The following KCNQ1 variants were observed in gnomAD, a reference collection of about 807,000 sequenced individuals.
KCNQ1 encodes the protein potassium voltage-gated channel subfamily KQT member 1.
Under a neutral mutation model 72.4 loss-of-function variants are expected in KCNQ1, and 49 were observed. The observed-to-expected ratio is 0.68, with a 90% CI of 0.54 to 0.86. KCNQ1 has a LOEUF of 0.86. KCNQ1 is among the 40% of genes least tolerant of loss of function. KCNQ1 has a pLI of 0.00. For missense variants in KCNQ1, 790 were observed against 945.1 expected (o/e 0.84, Z 2.15); for synonymous variants, 450 against 412.6 (o/e 1.09, Z -1.10).
chr11:2,452,250 G>T (rs1409875237), intron 1 of KCNQ1, among the ~76,000 whole-genome samples: 3 of 152,192 alleles, frequency 2.0e-5, no homozygotes, highest in Admixed American at 2.0e-4. Flanking sequence ...CTTGCTCCAG[G>T]CAGAGATTTG....
chr11:2,774,127 G>A (rs112035315), intron 12 of KCNQ1, among the ~76,000 whole-genome samples: 3 of 151,142 alleles, frequency 2.0e-5, no homozygotes, highest in East Asian at 3.9e-4. Flanking sequence ...CCCCTTTTAC[G>A]GAAGAGAGAG....
At chr11:2,648,051 CAAA>C (rs34011245) in intron 10 of KCNQ1, 105 of 367,696 alleles carry the variant, frequency 2.9e-4, no homozygotes, top group Non-Finnish European at 3.7e-4. Context: ...CCATCTCTAC[CAAA>C]AAAAAAAAAA....
rs531029565 is a variant in KCNQ1, at chr11:2,483,039, C to T, written c.386+37555C>T. Among the ~76,000 whole-genome samples, 10 of 151,970 alleles carry T rather than the reference C, an allele frequency of 6.6e-5. No homozygotes were observed. Among genetic ancestry groups the T allele is most frequent in the Non-Finnish European group, 7.4e-5 (5 of 68,008 alleles). ...AGGAGTGCCTTTTGTGGAGGGGAGT[C>T]GGACACAGATGGGATTTCAGCAGAG... On this transcript the variant is annotated intron_variant, in intron 1 of 15. Transcript: ENST00000155840. The surrounding 1 kb of genome is among the most constrained non-coding windows in gnomAD (Gnocchi z 6.1).
chr11:2,519,740 G>A (rs1295722113), intron 1 of KCNQ1, among the ~76,000 whole-genome samples: 4 of 151,640 alleles, frequency 2.6e-5, no homozygotes, highest in Non-Finnish European at 5.9e-5. Context: ...CATAAGTAAT[G>A]TATTAAATAC....
chr11:2,795,791 G>A (rs1041401740), intron 15 of KCNQ1, among the ~76,000 whole-genome samples: 20 of 152,208 alleles, frequency 1.3e-4, no homozygotes, highest in Admixed American at 2.0e-4. Flanking sequence ...GGTCCATGAG[G>A]AACCCCACGG....
Position 2,627,299 on chromosome 11 carries a change from C to T in KCNQ1, c.1394-34662C>T. On this transcript the variant is annotated intron_variant, in intron 10 of 15. Coordinates refer to ENST00000155840, the MANE Select transcript of KCNQ1 (RefSeq NM_000218.3). The surrounding 1 kb of genome is among the most constrained non-coding windows in gnomAD (Gnocchi z 4.9). ...ATTAACATATACCTTACATAGTTGCCATGTGTGTGCGTGTGTGTGGTCAGA... is the reference window on the plus strand; with the variant it reads ...ATTAACATATACCTTACATAGTTGCTATGTGTGTGCGTGTGTGTGGTCAGA... 3 of 398,450 alleles carry T rather than the reference C, an allele frequency of 7.5e-6. No homozygotes were observed. The allele number at this position is 398,450 out of a possible 1,614,324, so 24.7% of individuals were successfully genotyped here.
In KCNQ1 at chr11:2,683,882, C is replaced by A; in HGVS notation, c.1514+21801C>A. 2.5e-6 allele frequency: 1 copy of A among 398,560 alleles called. No homozygotes were observed. Among genetic ancestry groups the A allele is most frequent in the Non-Finnish European group, 4.4e-6 (1 of 226,068 alleles). 24.7% of individuals were successfully genotyped at this position (398,560 alleles called of 1,614,324 possible). On this transcript the variant is annotated intron_variant, in intron 11 of 15. Transcript: ENST00000155840. This position sits in a 1 kb window ranked among gnomAD's most constrained non-coding sequence, Gnocchi z 4.7. ...TCACTGCTACATCTCTCTTCCAAAT[C>A]ATAAATGCAAAAGATGGCCAAAGGT...
intron 15 of KCNQ1, among the ~76,000 whole-genome samples, chr11:2,793,738 C>T (rs1258694062): frequency 1.3e-5 from 2 of 152,204 alleles, no homozygotes; most frequent in Non-Finnish European, 2.9e-5. Context: ...TTCTGAAGCA[C>T]TGTGGGCATT....
chr11:2,581,587 C>G (rs147987925), intron 6 of KCNQ1, among the ~76,000 whole-genome samples: 10 of 152,240 alleles, frequency 6.6e-5, no homozygotes, highest in African/African-American at 1.9e-4. Context: ...CGTGTGCCTG[C>G]GCTGTGCGTT....
At chr11:2,789,577 C>G (rs2134006430) in intron 15 of KCNQ1, among the ~76,000 whole-genome samples, 1 of 152,322 alleles carries the variant, frequency 6.6e-6, no homozygotes, top group Middle Eastern at 3.4e-3. Context: ...AACGTGATCG[C>G]ATCTCTGTGC....
chr11:2,490,469 T>C (rs757823941), intron 1 of KCNQ1, among the ~76,000 whole-genome samples: 3 of 152,158 alleles, frequency 2.0e-5, no homozygotes, highest in Non-Finnish European at 4.4e-5. Flanking sequence ...GGGCCTTGGG[T>C]GAAACCCAGT....
In KCNQ1 at chr11:2,547,748, C is replaced by T. The variant is rs1445535929; in HGVS notation, c.477+19730C>T. Among the ~76,000 whole-genome samples the T allele has an allele frequency of 6.6e-6, 1 of 152,134 alleles. No homozygotes were observed. The highest frequency in any genetic ancestry group is 2.4e-5 in the African/African-American group (1 of 41,430). Reference sequence around the variant, plus strand: ...ACCTTGGGTGGACTACTGACTACTTCGCGGGTAAGAAATGGTGAGTGGCAT... The same window carrying T: ...ACCTTGGGTGGACTACTGACTACTTTGCGGGTAAGAAATGGTGAGTGGCAT... On this transcript the variant is annotated intron_variant, in intron 2 of 15. Coordinates refer to ENST00000155840, the MANE Select transcript of KCNQ1 (RefSeq NM_000218.3). This position sits in a 1 kb window ranked among gnomAD's most constrained non-coding sequence, Gnocchi z 4.2.
Position 2,668,941 on chromosome 11 carries a change from T to A in KCNQ1, c.1514+6860T>A, listed in dbSNP as rs1236014150. 2.5e-6 allele frequency: 1 copy of A among 398,524 alleles called. No individual in the cohort carries two copies. The highest frequency in any genetic ancestry group is 2.1e-5 in the African/African-American group (1 of 48,612). 24.7% of individuals were successfully genotyped at this position (398,524 alleles called of 1,614,324 possible). On this transcript the variant is annotated intron_variant, in intron 11 of 15. Coordinates refer to ENST00000155840, the MANE Select transcript of KCNQ1 (RefSeq NM_000218.3). The surrounding 1 kb of genome is among the most constrained non-coding windows in gnomAD (Gnocchi z 4.3). ...TATTAGCTCACCTTTCCCATGTAGA[T>A]CTGCACTCCATCTGGGATTGATTTT...
intron 11 of KCNQ1, chr11:2,666,716 A>G: frequency 2.5e-6 from 1 of 398,718 alleles, no homozygotes; most frequent in Non-Finnish European, 4.4e-6. Flanking sequence ...GTCCACTGTG[A>G]CCTACTCCCA....
intron 11 of KCNQ1, chr11:2,696,722 C>T (rs1342998124): frequency 5.0e-6 from 2 of 398,478 alleles, no homozygotes; most frequent in African/African-American, 4.1e-5. Flanking sequence ...AAAGATCTCC[C>T]TCTATATCCT....
Position 2,603,438 on chromosome 11 carries a change from G to A in KCNQ1, c.1393+14584G>A, listed in dbSNP as rs892193735. ...GTGCAAAAAAGTGAAGTGTGCCTGT[G>A]TATCCCCAGAGCTGTGCAACTGCCA... On this transcript the variant is annotated intron_variant, in intron 10 of 15. Transcript: ENST00000155840. The surrounding 1 kb of genome is among the most constrained non-coding windows in gnomAD (Gnocchi z 4.1). Among the ~76,000 whole-genome samples the A allele has an allele frequency of 5.3e-5, 8 of 152,102 alleles. No individual in the cohort carries two copies. Among genetic ancestry groups the A allele is most frequent in the Admixed American group, 4.6e-4 (7 of 15,272 alleles).
rs1448309421 is a variant in KCNQ1 at position 2,494,255 on chromosome 11, A to G, written c.387-33673A>G. Among the ~76,000 whole-genome samples, 1 of 152,172 alleles carries G rather than the reference A, an allele frequency of 6.6e-6. No homozygotes were observed. The highest frequency in any genetic ancestry group is 1.9e-4 in the East Asian group (1 of 5,196). On this transcript the variant is annotated intron_variant, in intron 1 of 15. Transcript: ENST00000155840. The surrounding 1 kb of genome is among the most constrained non-coding windows in gnomAD (Gnocchi z 4.6). Reference sequence around the variant, plus strand: ...GCTTAAGGAGTTTTTGGGCTGAGACAATGGGGTTTTCTAAATATACAATCA... The same window carrying G: ...GCTTAAGGAGTTTTTGGGCTGAGACGATGGGGTTTTCTAAATATACAATCA...
At chr11:2,454,856 A>G (rs1025308091) in intron 1 of KCNQ1, among the ~76,000 whole-genome samples, 6 of 152,186 alleles carry the variant, frequency 3.9e-5, no homozygotes, top group Non-Finnish European at 7.3e-5. Context: ...AAGAATAGGA[A>G]CAAGACAAGG....
Position 2,691,848 on chromosome 11 carries a change from A to G in KCNQ1, c.1514+29767A>G. The stretch of plus-strand genomic sequence containing the variant: ...GACCTCTGCCAGGACCATGACCCCT[A>G]GGTCCTCTTTTCCATCCCTCCAGTT... On this transcript the variant is annotated intron_variant, in intron 11 of 15. Coordinates refer to ENST00000155840, the MANE Select transcript of KCNQ1 (RefSeq NM_000218.3). The surrounding 1 kb of genome is among the most constrained non-coding windows in gnomAD (Gnocchi z 6.4). The G allele has an allele frequency of 5.0e-6, 2 of 398,718 alleles. No homozygotes were observed. The highest frequency in any genetic ancestry group is 8.8e-6 in the Non-Finnish European group (2 of 226,116). 24.7% of individuals were successfully genotyped at this position (398,718 alleles called of 1,614,324 possible). A position where few individuals can be genotyped will look rare whatever the true frequency, so the allele number is the denominator to read the frequency against.
Sources: allele counts gnomAD v4.1 joint callset (sites outside exome capture counted in the v4.1 genomes callset), GRCh38; gene constraint gnomAD v4.1.1; non-coding constraint Gnocchi (gnomAD v3.1); transcripts MANE v1.5; gene names NCBI Gene and HGNC (gene_info 2026-07-23, HGNC 2026-07-21).